RNF152: variants seen among roughly 807,000 people sequenced by gnomAD.
RNF152 encodes the protein ring finger protein 152, also known as E3 ubiquitin-protein ligase RNF152.
RNF152 carries 11 observed loss-of-function variants against 12.7 expected under a neutral mutation model. The ratio of observed to expected loss-of-function variants is 0.86; its 90% confidence interval spans 0.54 to 1.43. The LOEUF is 1.43. Ranked by LOEUF, RNF152 falls within the 40% of genes most tolerant of loss-of-function variation. The pLI is 0.00. For synonymous variants in RNF152, 113 were observed against 120.3 expected (o/e 0.94, Z 0.40); for missense variants, 255 against 274.8 (o/e 0.93, Z 0.51).
At chr18:61,853,368 C>T (rs1171548436) in intron 1 of RNF152, among the ~76,000 whole-genome samples, 1 of 149,170 alleles carries the variant, frequency 6.7e-6, no homozygotes, top group Non-Finnish European at 1.5e-5. Flanking sequence ...CAGCTCACTG[C>T]AACCTCTGCC....
chr18:61,833,241 C>G (rs1051598289), intron 1 of RNF152, among the ~76,000 whole-genome samples: 4 of 152,090 alleles, frequency 2.6e-5, no homozygotes, highest in Non-Finnish European at 5.9e-5. Context: ...TGATGTAGGT[C>G]GCAAGAATCA....
chr18:61,835,951 T>C (rs1404998298), intron 1 of RNF152, among the ~76,000 whole-genome samples: 1 of 152,148 alleles, frequency 6.6e-6, no homozygotes, highest in Admixed American at 6.5e-5. Flanking sequence ...AATTTTAGAA[T>C]GGGAGAAGGT....
chr18:61,855,643 C>T (rs1187761742), intron 1 of RNF152, among the ~76,000 whole-genome samples: 1 of 152,242 alleles, frequency 6.6e-6, no homozygotes, highest in Non-Finnish European at 1.5e-5. Flanking sequence ...CGCTGCAGCC[C>T]CTGGTGTGCC....
At chr18:61,886,018 G>C (rs1912684149) in intron 1 of RNF152, among the ~76,000 whole-genome samples, 1 of 131,518 alleles carries the variant, frequency 7.6e-6, no homozygotes, top group African/African-American at 3.0e-5. Flanking sequence ...TTTTTTGTGG[G>C]CAAAGTAGGA....
intron 1 of RNF152, among the ~76,000 whole-genome samples, chr18:61,889,050 C>T (rs555637499): frequency 2.0e-5 from 3 of 152,312 alleles, no homozygotes; most frequent in Admixed American, 1.3e-4. Context: ...GGCCCTCAGC[C>T]CAACCCCAGG....
intron 1 of RNF152, among the ~76,000 whole-genome samples, chr18:61,859,808 G>C (rs975552931): frequency 5.3e-5 from 8 of 151,970 alleles, no homozygotes; most frequent in African/African-American, 1.9e-4. Context: ...GAATCCAGGA[G>C]GTGGAGGTTG....
At chr18:61,863,008 CAG>C (rs892489578) in intron 1 of RNF152, among the ~76,000 whole-genome samples, 31 of 151,970 alleles carry the variant, frequency 2.0e-4, no homozygotes, top group African/African-American at 6.8e-4. Context: ...AAAGAAAAAA[CAG>C]AGAGTTTTCC....
intron 1 of RNF152, among the ~76,000 whole-genome samples, chr18:61,844,534 G>A (rs2144680715): frequency 6.6e-6 from 1 of 152,280 alleles, no homozygotes; most frequent in African/African-American, 2.4e-5. Context: ...TGTGCTTGTT[G>A]GTATTATTGT....
chr18:61,815,385 GA>G lies in RNF152; in HGVS notation c.*466del, dbSNP rs111603571. On this transcript the variant is annotated 3_prime_UTR_variant, in exon 2 of 2. Coordinates refer to ENST00000312828, the MANE Select transcript of RNF152 (RefSeq NM_173557.3). Reference sequence around the variant, plus strand: ...AATGAAGACTGGGTTTCAATAAAAAGAAAAAAAAAATAAAGAAGCCAGCAGT... The same window carrying G: ...AATGAAGACTGGGTTTCAATAAAAAGAAAAAAAAATAAAGAAGCCAGCAGT... The G allele has an allele frequency of 8.5e-4, 125 of 146,998 alleles. No homozygotes were observed. Among genetic ancestry groups the G allele is most frequent in the African/African-American group, 2.7e-3 (109 of 39,944 alleles). The allele number at this position is 146,998 out of a possible 1,614,324, so 9.1% of individuals were successfully genotyped here.
chr18:61,869,713 A>G (rs1599313900), intron 1 of RNF152, among the ~76,000 whole-genome samples: 2 of 152,196 alleles, frequency 1.3e-5, no homozygotes, highest in East Asian at 3.8e-4. Flanking sequence ...CAGTAAATGA[A>G]TGAAAAGGAA....
chr18:61,821,276 ATTCCAT>A (rs1909393437), intron 1 of RNF152, among the ~76,000 whole-genome samples: 1 of 152,184 alleles, frequency 6.6e-6, no homozygotes, highest in African/African-American at 2.4e-5. Flanking sequence ...AGATTATCCT[ATTCCAT>A]TTCCAACTCT....
At chr18:61,828,209 G>A (rs1909760720) in intron 1 of RNF152, among the ~76,000 whole-genome samples, 1 of 151,942 alleles carries the variant, frequency 6.6e-6, no homozygotes, top group Non-Finnish European at 1.5e-5. Context: ...CCACTGCTCT[G>A]CTTTTCAGAG....
intron 1 of RNF152, among the ~76,000 whole-genome samples, chr18:61,858,685 C>A (rs1178385065): frequency 1.3e-5 from 2 of 152,254 alleles, no homozygotes; most frequent in South Asian, 2.1e-4. Context: ...TGCATCCTAG[C>A]CTAAAACTTC....
chr18:61,845,462 G>A (rs1910703379), intron 1 of RNF152, among the ~76,000 whole-genome samples: 1 of 152,230 alleles, frequency 6.6e-6, no homozygotes, highest in African/African-American at 2.4e-5. Context: ...TCAGCCACCT[G>A]GGAGCTTTTG....
At chr18:61,876,823 CGTAA>C (rs1198287402) in intron 1 of RNF152, among the ~76,000 whole-genome samples, 10 of 152,246 alleles carry the variant, frequency 6.6e-5, no homozygotes, top group South Asian at 2.1e-4. Flanking sequence ...CAATTCATGG[CGTAA>C]GTGTCAGTCT....
Position 61,811,270 on chromosome 18 carries a change from T to C in RNF152, c.*4582A>G, listed in dbSNP as rs1017734554. The C allele has an allele frequency of 2.6e-5, 4 of 152,202 alleles. No individual in the cohort carries two copies. Among genetic ancestry groups the C allele is most frequent in the Non-Finnish European group, 4.4e-5 (3 of 68,036 alleles). The allele number at this position is 152,202 out of a possible 1,614,324, so 9.4% of individuals were successfully genotyped here. A position where few individuals can be genotyped will look rare whatever the true frequency, so the allele number is the denominator to read the frequency against. ...GAACTCTTAAAATCAAAATCTAGAC[T>C]GGAATAAATACCAGATTATCAGTAA... is the stretch of plus-strand genomic sequence containing the variant. On this transcript the variant is annotated 3_prime_UTR_variant, in exon 2 of 2. Coordinates refer to ENST00000312828, the MANE Select transcript of RNF152 (RefSeq NM_173557.3).
At chr18:61,881,181 T>C (rs892406641) in intron 1 of RNF152, among the ~76,000 whole-genome samples, 5 of 152,234 alleles carry the variant, frequency 3.3e-5, no homozygotes, top group African/African-American at 7.2e-5. Flanking sequence ...CCCAAAGTGC[T>C]GGGATTAGGT....
chr18:61,849,250 A>G (rs1447816731), intron 1 of RNF152, among the ~76,000 whole-genome samples: 3 of 152,220 alleles, frequency 2.0e-5, no homozygotes, highest in African/African-American at 7.2e-5. Flanking sequence ...TACATAACAC[A>G]TAAAAACCAA....
In RNF152 at chr18:61,814,754, C is replaced by T. The variant is rs1319376160; in HGVS notation, c.*1098G>A. 6.6e-6 allele frequency: 1 copy of T among 152,198 alleles called. No individual in the cohort carries two copies. The highest frequency in any genetic ancestry group is 1.9e-4 in the East Asian group (1 of 5,196). The allele number at this position is 152,198 out of a possible 1,614,324, so 9.4% of individuals were successfully genotyped here. On this transcript the variant is annotated 3_prime_UTR_variant, in exon 2 of 2. Coordinates refer to ENST00000312828, the MANE Select transcript of RNF152 (RefSeq NM_173557.3). ...ACAGGCCATTTATTAAAATGCCCGC[C>T]TGGGTTGACCATCAGTCACAACACT...
Sources: allele counts gnomAD v4.1 joint callset (sites outside exome capture counted in the v4.1 genomes callset), GRCh38; gene constraint gnomAD v4.1.1; transcripts MANE v1.5; gene names NCBI Gene and HGNC (gene_info 2026-07-23, HGNC 2026-07-21).